ITGAE: variants seen among roughly 807,000 people sequenced by gnomAD.
ITGAE encodes integrin subunit alpha E.
ITGAE carries 99 observed loss-of-function variants against 136.5 expected under a neutral mutation model. The observed-to-expected ratio is 0.73, with a 90% CI of 0.62 to 0.86. The LOEUF (loss-of-function observed/expected upper bound fraction) is 0.86, where lower values mean the gene tolerates loss of function less well. ITGAE is among the 40% of genes least tolerant of loss of function. The probability of loss-of-function intolerance (pLI) is 0.00; values close to 1 mark genes in which losing one functional copy is unlikely to be tolerated. For synonymous variants in ITGAE, 613 were observed against 591.8 expected, an observed-to-expected ratio of 1.04 and a Z score of -0.52; for missense variants, 1,447 against 1,515.3, an observed-to-expected ratio of 0.95 and a Z score of 0.75.
rs1433047674 is a variant in ITGAE at position 3,723,672 on chromosome 17, G to A, written c.3141+16C>T. The A allele has an allele frequency of 6.3e-7, 1 of 1,577,970 alleles. No individual in the cohort carries two copies. Among genetic ancestry groups the A allele is most frequent in the East Asian group, 2.3e-5 (1 of 43,388 alleles). On this transcript the variant is annotated intron_variant, in intron 27 of 30. Transcript: ENST00000263087. ...CCCTCCGCCCTCCCCTGGCCTCTCG[G>A]GACGGCCGCGCTTACCTGAACCGAA...
intron 24 of ITGAE, 138 bp downstream of exon 24, chr17:3,729,340 C>T: frequency 1.4e-6 from 1 of 695,438 alleles, no homozygotes; most frequent in East Asian, 2.6e-5. Context: ...ATATCAGAGC[C>T]TGGGTTCTAA....
chr17:3,751,942 A>C, intron 14 of ITGAE, 68 bp from the exon 15 acceptor site: 1 of 1,340,486 alleles, frequency 7.5e-7, no homozygotes, highest in Non-Finnish European at 1.1e-6. Flanking sequence ...TGCCACCCCG[A>C]TGCACGCTCA....
chr17:3,761,480 C>T lies in ITGAE; in HGVS notation c.356G>A (p.Ser119Asn), dbSNP rs976551053. Residue 119 changes from serine to asparagine, a missense_variant, in exon 5 of 31, where the codon AGC becomes AAC. Ser to Asn is a conservative substitution (Grantham distance 46, BLOSUM62 1). Transcript: ENST00000263087. ...GCTACAGGTGCCTGTGAGTTCTGAG[C>T]TGAGGCTGTGAGGCCGCCGGACCAG... ...QVLVRRPHSL[S>N]SELTGTCSLL... 5.6e-6 allele frequency: 9 copies of T among 1,613,878 alleles called. No homozygotes were observed. The highest frequency in any genetic ancestry group is 5.3e-5 in the African/African-American group (4 of 74,932).
chr17:3,724,866 A>G (rs1184340354), intron 26 of ITGAE: 1 of 1,613,972 alleles, frequency 6.2e-7, no homozygotes. Flanking sequence ...GGCCGTCCGG[A>G]GAGAGCATCA....
At chr17:3,761,663 G>A (rs1413005793) in intron 4 of ITGAE, 143 bp from the exon 5 acceptor site, 6 of 782,642 alleles carry the variant, frequency 7.7e-6, no homozygotes, top group South Asian at 7.1e-5. Context: ...CTCACCGGGT[G>A]TAGGAGTCAG....
chr17:3,776,741 A>C (rs2052549850), intron 2 of ITGAE, among the ~76,000 whole-genome samples: 2 of 145,042 alleles, frequency 1.4e-5, no homozygotes, highest in Admixed American at 6.8e-5. Context: ...GTTTTTTTTG[A>C]GTTGGGGGGG....
chr17:3,758,864 G>A (rs55650734), intron 8 of ITGAE, among the ~76,000 whole-genome samples: 90,101 of 151,338 alleles, frequency 0.6, 27,686 homozygotes, highest in African/African-American at 0.69. Flanking sequence ...GGTGGCTCAC[G>A]CCTGTAATCC....
At chr17:3,768,576 C>T (rs775582121) in intron 2 of ITGAE, among the ~76,000 whole-genome samples, 20 of 152,178 alleles carry the variant, frequency 1.3e-4, no homozygotes, top group Admixed American at 1.0e-3. Context: ...TTCCCTCCAC[C>T]GCGCTGTTTC....
intron 13 of ITGAE, 49 bp downstream of exon 13, chr17:3,753,734 C>G (rs745672868): frequency 1.9e-6 from 3 of 1,606,490 alleles, no homozygotes; most frequent in Middle Eastern, 3.4e-4. Context: ...TTGGGGGCCT[C>G]CAGATTCCCC....
chr17:3,726,406 C>T (rs2051215162), intron 26 of ITGAE: 3 of 978,130 alleles, frequency 3.1e-6, no homozygotes, highest in Admixed American at 4.5e-5. Flanking sequence ...CAACCTCCAT[C>T]CCCACAGGAG....
intron 23 of ITGAE, among the ~76,000 whole-genome samples, chr17:3,730,197 T>C (rs2051308297): frequency 6.6e-6 from 1 of 152,058 alleles, no homozygotes; most frequent in African/African-American, 2.4e-5. Flanking sequence ...GGCTCATGCC[T>C]GTAATCCCAG....
intron 30 of ITGAE, among the ~76,000 whole-genome samples, chr17:3,715,474 G>C (rs1364248177): frequency 6.6e-6 from 1 of 152,202 alleles, no homozygotes; most frequent in Non-Finnish European, 1.5e-5. Context: ...TGAGTGAAGT[G>C]AGCAGTCATG....
At position 3,745,812 on chromosome 17, in the gene ITGAE, G is replaced by A. The variant is rs551577998; in HGVS notation, c.2271C>T (p.Ser757=). ...SCLGCLREWS[S]GSQLCEDLLL... ...GGAGGTCCTCACAAAGCTGGGATCC[G>A]CTGCTCCACTCCCTCAGGCAGCCCA... Residue 757 remains serine (S), a synonymous_variant, in exon 18 of 31, where the codon AGC becomes AGT. Transcript: ENST00000263087. 1.8e-5 allele frequency: 29 copies of A among 1,614,016 alleles called. No individual in the cohort carries two copies. The highest frequency in any genetic ancestry group is 5.0e-5 in the Admixed American group (3 of 60,004).
At chr17:3,792,567 A>T (rs1158976896) in intron 1 of ITGAE, among the ~76,000 whole-genome samples, 2 of 152,230 alleles carry the variant, frequency 1.3e-5, no homozygotes, top group Non-Finnish European at 2.9e-5. Context: ...TGATGGTTTA[A>T]AAAAAGAGGG....
At chr17:3,744,864 C>T (rs2143016126) in intron 18 of ITGAE, among the ~76,000 whole-genome samples, 1 of 152,236 alleles carries the variant, frequency 6.6e-6, no homozygotes. Context: ...GCCTTTCTGC[C>T]CCTATAAGAG....
intron 1 of ITGAE, among the ~76,000 whole-genome samples, chr17:3,794,355 A>T (rs565259314): frequency 2.8e-4 from 43 of 151,704 alleles, no homozygotes; most frequent in Non-Finnish European, 5.6e-4. Flanking sequence ...CCTGGGCTCA[A>T]GTGATCCTCC....
In ITGAE at chr17:3,741,064, T is replaced by TG. The variant is rs1365342779; in HGVS notation, c.2449-1187dup. On this transcript the variant is annotated intron_variant, in intron 19 of 30. Transcript: ENST00000263087. ...GTCAACAGTTTCATGCAGGGTTTTTTGTTGTATTTTTTTTTTTTTTTTTTT... is the reference window on the plus strand; with the variant it reads ...GTCAACAGTTTCATGCAGGGTTTTTTGGTTGTATTTTTTTTTTTTTTTTTTT... Among the ~76,000 whole-genome samples the TG allele has an allele frequency of 7.5e-5, 11 of 147,022 alleles. No individual in the cohort carries two copies. The South Asian group carries it at 2.3e-3, about 31-fold the overall frequency.
At chr17:3,800,281 G>A (rs1457401494) in intron 1 of ITGAE, among the ~76,000 whole-genome samples, 1 of 152,112 alleles carries the variant, frequency 6.6e-6, no homozygotes, top group East Asian at 1.9e-4. Flanking sequence ...CCATCTTTCA[G>A]GGAGAACTCA....
intron 1 of ITGAE, among the ~76,000 whole-genome samples, chr17:3,787,613 CAT>C (rs1305040651): frequency 6.6e-6 from 1 of 151,916 alleles, no homozygotes. Flanking sequence ...TCCTGTTGGG[CAT>C]ATGTCTAACC....
Sources: gnomAD v4.1 joint callset for allele counts (sites outside exome capture counted in the v4.1 genomes callset) on GRCh38, gnomAD v4.1.1 for gene constraint, MANE v1.5 for transcripts, NCBI Gene and HGNC (gene_info 2026-07-23, HGNC 2026-07-21) for gene names.